Variants in DMD observed in about 807,000 individuals in gnomAD.
DMD encodes dystrophin, also known as mutant dystrophin.
A neutral mutation model predicts 330.1 loss-of-function variants in DMD; 63 were observed. The ratio of observed to expected loss-of-function variants is 0.19; its 90% CI spans 0.16 to 0.24. The LOEUF is 0.24. DMD is among the 10% of genes least tolerant of loss of function. DMD has a pLI of 1.00. For missense variants in DMD, 3,344 were observed against 2,684.1 expected, an observed-to-expected ratio of 1.25 and a Z score of -5.43; for synonymous variants, 1,223 against 959.8, an observed-to-expected ratio of 1.27 and a Z score of -5.07.
At chrX:32,665,783 T>C (rs2061264649) in intron 9 of DMD, among the ~76,000 whole-genome samples, 1 of 112,355 alleles carries the variant, frequency 8.9e-6, no homozygotes, top group Non-Finnish European at 1.9e-5. Flanking sequence ...TCTTCCCTTA[T>C]GGCGCCATGT....
At chrX:33,263,848 G>A (rs1312215788) in intron 1 of DMD, among the ~76,000 whole-genome samples, 1 of 110,512 alleles carries the variant, frequency 9.0e-6, no homozygotes, top group African/African-American at 3.3e-5. Context: ...TTACAAAAAA[G>A]GGAAACTGAC....
At chrX:32,410,341 C>G (rs759753860) in intron 30 of DMD, among the ~76,000 whole-genome samples, 1 of 111,359 alleles carries the variant, frequency 9.0e-6, no homozygotes, top group African/African-American at 3.3e-5. Flanking sequence ...AAATAATATT[C>G]CCTGGACTTT....
At chrX:32,781,803 A>G (rs866802508) in intron 7 of DMD, among the ~76,000 whole-genome samples, 114 of 111,557 alleles carry the variant, frequency 1.0e-3, no homozygotes, top group African/African-American at 3.3e-3. Context: ...TAGCCTAAAC[A>G]TAAGGAAGAA....
chrX:32,796,776 G>C (rs1465999681), intron 7 of DMD, among the ~76,000 whole-genome samples: 2 of 111,912 alleles, frequency 1.8e-5, no homozygotes, highest in African/African-American at 6.5e-5. Flanking sequence ...ATAAATCTAA[G>C]AGGATAGCTT....
chrX:32,230,068 T>C (rs2097163379), intron 43 of DMD, among the ~76,000 whole-genome samples: 1 of 110,468 alleles, frequency 9.1e-6, no homozygotes, highest in Non-Finnish European at 1.9e-5. Flanking sequence ...TCCCTAAGGG[T>C]AGAAACTATA....
At chrX:32,700,392 G>C (rs2064006186) in intron 7 of DMD, among the ~76,000 whole-genome samples, 1 of 111,384 alleles carries the variant, frequency 9.0e-6, no homozygotes, top group Non-Finnish European at 1.9e-5. Context: ...GAGTAGAATG[G>C]TGTTTACCAG....
intron 1 of DMD, among the ~76,000 whole-genome samples, chrX:33,252,065 A>G (rs918381110): frequency 1.6e-4 from 18 of 112,190 alleles, no homozygotes; most frequent in Non-Finnish European, 2.4e-4. Flanking sequence ...GGTAGCCTAT[A>G]AAAATGTTTC....
At chrX:31,273,556 G>A (rs1304950036) in intron 62 of DMD, among the ~76,000 whole-genome samples, 2 of 112,038 alleles carry the variant, frequency 1.8e-5, no homozygotes, top group East Asian at 2.8e-4. Flanking sequence ...TTGAGATTTG[G>A]AAAAAAGTAA....
intron 7 of DMD, among the ~76,000 whole-genome samples, chrX:32,722,430 G>A (rs2066425298): frequency 9.0e-6 from 1 of 110,551 alleles, no homozygotes; most frequent in South Asian, 3.8e-4. Flanking sequence ...ATAGGTATAT[G>A]CAAATACTAT....
At chrX:31,653,270 AAAC>A (rs2080569069) in intron 54 of DMD, among the ~76,000 whole-genome samples, 1 of 111,839 alleles carries the variant, frequency 8.9e-6, no homozygotes, top group South Asian at 3.7e-4. Context: ...TTAAAATACA[AAAC>A]AGTATTATAA....
chrX:32,454,450 A>G (rs190368846), intron 26 of DMD, among the ~76,000 whole-genome samples: 441 of 110,989 alleles, frequency 4.0e-3, no homozygotes, highest in African/African-American at 0.01. Flanking sequence ...TTCAATTTTC[A>G]TAATTGACCA....
chrX:31,450,710 G>A (rs947744316), intron 59 of DMD, among the ~76,000 whole-genome samples: 2 of 112,238 alleles, frequency 1.8e-5, no homozygotes, highest in African/African-American at 6.5e-5. Flanking sequence ...AGGAAGACAG[G>A]GCAAGAAAGT....
At chrX:32,137,184 G>C (rs2096730606) in intron 44 of DMD, among the ~76,000 whole-genome samples, 1 of 111,404 alleles carries the variant, frequency 9.0e-6, no homozygotes, top group African/African-American at 3.3e-5. Context: ...CCAGATATTG[G>C]AATTGCTGCT....
chrX:32,409,847 A>G lies in DMD; in HGVS notation c.4233+1905T>C, dbSNP rs150842885. On this transcript the variant is annotated intron_variant, in intron 30 of 78. Transcript: ENST00000357033. ...ATTTATAGTCATGTAGTTCTTCTCA[A>G]TTCAGAAACAATTACTCATTCCTAT... Among the ~76,000 whole-genome samples, 540 of 111,346 alleles carry G rather than the reference A, an allele frequency of 4.8e-3. 1 individual carries two copies. Among genetic ancestry groups the G allele is most frequent in the African/African-American group, 0.016 (496 of 30,769 alleles).
chrX:32,378,386 C>T (rs2097912204), intron 34 of DMD, among the ~76,000 whole-genome samples: 1 of 108,961 alleles, frequency 9.2e-6, no homozygotes, highest in African/African-American at 3.3e-5. Flanking sequence ...TCAAGCCACA[C>T]TAAATAATTT....
intron 55 of DMD, among the ~76,000 whole-genome samples, chrX:31,549,666 T>C (rs2074362466): frequency 8.9e-6 from 1 of 112,487 alleles, no homozygotes; most frequent in Admixed American, 9.4e-5. Flanking sequence ...TCTCTGAATA[T>C]CCTATGTTGT....
At chrX:32,867,134 C>T (rs1421694125) in intron 2 of DMD, among the ~76,000 whole-genome samples, 1 of 107,227 alleles carries the variant, frequency 9.3e-6, no homozygotes, top group East Asian at 2.9e-4. Context: ...GTATTCCTTG[C>T]CCAATATGTT....
At chrX:32,565,646 T>A in intron 16 of DMD, 56 bp downstream of exon 16, 2 of 1,130,426 alleles carry the variant, frequency 1.8e-6, no homozygotes, top group South Asian at 3.6e-5. Flanking sequence ...ACTCTCTTAA[T>A]GCAGGTTTAA....
At chrX:32,736,522 T>C (rs1469969229) in intron 7 of DMD, among the ~76,000 whole-genome samples, 1 of 110,386 alleles carries the variant, frequency 9.1e-6, no homozygotes, top group Non-Finnish European at 1.9e-5. Context: ...AACCCAAATG[T>C]CCAACAATGA....
Sources: allele counts gnomAD v4.1 joint callset (sites outside exome capture counted in the v4.1 genomes callset), GRCh38; gene constraint gnomAD v4.1.1; transcripts MANE v1.5; gene names NCBI Gene and HGNC (gene_info 2026-07-23, HGNC 2026-07-21).